The following PATJ variants were observed in gnomAD, a reference collection of about 807,000 sequenced individuals.
PATJ encodes the protein inaD-like protein.
A neutral mutation model predicts 224.9 loss-of-function variants in PATJ; 190 were observed. The ratio of observed to expected loss-of-function variants is 0.84; its 90% CI spans 0.75 to 0.95. PATJ has a LOEUF of 0.95. PATJ is among the 40% of genes least tolerant of loss of function. The pLI is 0.00. For missense variants in PATJ, 2,121 were observed against 2,270.3 expected (o/e 0.93, Z 1.34); for synonymous variants, 769 against 820.3 (o/e 0.94, Z 1.07).
chr1:62,058,408 G>A (rs1456145200), intron 31 of PATJ, among the ~76,000 whole-genome samples: 3 of 152,108 alleles, frequency 2.0e-5, no homozygotes, highest in South Asian at 4.1e-4. Flanking sequence ...ACAGCGTCAC[G>A]TGTTACAAAT....
intron 29 of PATJ, among the ~76,000 whole-genome samples, chr1:62,033,736 T>A (rs1649781082): frequency 6.6e-6 from 1 of 152,196 alleles, no homozygotes; most frequent in Non-Finnish European, 1.5e-5. Flanking sequence ...CACTAACTCA[T>A]GGAAACAGCT....
intron 22 of PATJ, among the ~76,000 whole-genome samples, chr1:61,888,272 A>C (rs561399044): frequency 3.3e-5 from 5 of 151,914 alleles, no homozygotes; most frequent in African/African-American, 1.2e-4. Flanking sequence ...TTTAGTCAAA[A>C]TTTTTTTCTT....
chr1:62,095,971 T>G (rs1359952063), intron 33 of PATJ, among the ~76,000 whole-genome samples: 3 of 152,196 alleles, frequency 2.0e-5, no homozygotes, highest in Non-Finnish European at 2.9e-5. Context: ...ACACAGCTTA[T>G]CTACACACAT....
intron 25 of PATJ, among the ~76,000 whole-genome samples, chr1:61,911,203 G>T (rs903067971): frequency 2.0e-5 from 3 of 151,722 alleles, no homozygotes; most frequent in Non-Finnish European, 2.9e-5. Flanking sequence ...GGTTTTTTTT[G>T]TTGTTGTTTT....
chr1:61,807,328 C>T lies in PATJ; in HGVS notation c.1627-1146C>T, dbSNP rs568134370. ...ACTGGCTGGAACTACAAGCATGAGC[C>T]ACCACGCTCGCTTAATTTTTCAAAT... On this transcript the variant is annotated intron_variant, in intron 13 of 43. Transcript: ENST00000642238. Among the ~76,000 whole-genome samples the T allele has an allele frequency of 5.9e-5, 9 of 152,208 alleles. No homozygotes were observed. In the East Asian group the frequency reaches 9.7e-4, roughly 16 times the overall value.
intron 31 of PATJ, among the ~76,000 whole-genome samples, chr1:62,076,348 A>G (rs915677535): frequency 2.3e-5 from 3 of 132,098 alleles, no homozygotes; most frequent in Non-Finnish European, 5.4e-5. Context: ...AGGTGTTCCT[A>G]TTATGAAACA....
intron 33 of PATJ, among the ~76,000 whole-genome samples, chr1:62,103,920 G>A (rs933285297): frequency 6.6e-6 from 1 of 152,182 alleles, no homozygotes; most frequent in Non-Finnish European, 1.5e-5. Flanking sequence ...GCAGGGCCAA[G>A]ATTTAGACCA....
intron 27 of PATJ, among the ~76,000 whole-genome samples, chr1:61,983,007 A>G (rs1644534445): frequency 7.1e-6 from 1 of 140,436 alleles, no homozygotes; most frequent in Non-Finnish European, 1.6e-5. Flanking sequence ...TCATAACCTT[A>G]TATGAGATTT....
chr1:62,060,200 G>A (rs1054024028), intron 31 of PATJ, among the ~76,000 whole-genome samples: 1 of 152,042 alleles, frequency 6.6e-6, no homozygotes, highest in African/African-American at 2.4e-5. Flanking sequence ...TGTCCTTCCC[G>A]TAATGAAAGC....
chr1:62,135,252 C>T (rs1171326486), intron 41 of PATJ, among the ~76,000 whole-genome samples: 1 of 152,086 alleles, frequency 6.6e-6, no homozygotes, highest in South Asian at 2.1e-4. Context: ...TGTGGTGGCT[C>T]ACGCCTGTAA....
At chr1:62,104,682 T>G (rs1170757932) in intron 33 of PATJ, among the ~76,000 whole-genome samples, 2 of 152,192 alleles carry the variant, frequency 1.3e-5, no homozygotes, top group Non-Finnish European at 2.9e-5. Flanking sequence ...TTTTATTTTT[T>G]TATTTTTTGA....
chr1:61,762,500 C>T (rs1646025709), intron 1 of PATJ, among the ~76,000 whole-genome samples: 1 of 152,016 alleles, frequency 6.6e-6, no homozygotes, highest in South Asian at 2.1e-4. Flanking sequence ...CATATATTTT[C>T]ATGAATACTG....
At chr1:61,933,377 A>G (rs1676313549) in intron 27 of PATJ, among the ~76,000 whole-genome samples, 1 of 151,942 alleles carries the variant, frequency 6.6e-6, no homozygotes, top group African/African-American at 2.4e-5. Context: ...CGTCTCTACT[A>G]AAAATACAAA....
chr1:62,058,729 C>G (rs1006989634), intron 31 of PATJ, among the ~76,000 whole-genome samples: 2 of 152,128 alleles, frequency 1.3e-5, no homozygotes, highest in Admixed American at 1.3e-4. Context: ...TGTGCCAGAG[C>G]TCTCATTATT....
Position 62,127,999 on chromosome 1 carries a change from AT to A in PATJ, c.5073del (p.Ile1691MetfsTer9). ...GCTCAGTGATGCCCTTGGAATCAGT[AT>A]TGCTGGAGGAAGAGGAAGTCCCTTA... Reference protein sequence around the residue: ...RELSDALGISIAGGRGSPLGD... With the variant: ...RELSDALGISXAGGRGSPLGD... On this transcript the variant is annotated frameshift_variant, in exon 40 of 44. Transcript: ENST00000642238. LOFTEE classifies it high-confidence loss of function. 6.2e-7 allele frequency: 1 copy of A among 1,614,046 alleles called. No homozygotes were observed. Among genetic ancestry groups the A allele is most frequent in the Non-Finnish European group, 8.5e-7 (1 of 1,179,916 alleles).
At chr1:62,043,216 G>A (rs1651853261) in intron 30 of PATJ, among the ~76,000 whole-genome samples, 1 of 152,108 alleles carries the variant, frequency 6.6e-6, no homozygotes, top group Non-Finnish European at 1.5e-5. Flanking sequence ...GTAGTTATGA[G>A]GGCCAGGTGT....
intron 20 of PATJ, among the ~76,000 whole-genome samples, chr1:61,871,866 T>C (rs900423037): frequency 3.3e-5 from 5 of 149,336 alleles, no homozygotes; most frequent in Non-Finnish European, 7.4e-5. Context: ...GTCTGGCTTT[T>C]TTTTTTTTTT....
intron 26 of PATJ, among the ~76,000 whole-genome samples, 196 bp downstream of exon 26, chr1:61,914,860 G>A (rs1177104856): frequency 6.6e-6 from 1 of 152,074 alleles, no homozygotes; most frequent in Non-Finnish European, 1.5e-5. Flanking sequence ...CAGCATAGAT[G>A]CAAAAATACT....
chr1:61,824,253 C>T (rs1267477686), intron 15 of PATJ, among the ~76,000 whole-genome samples: 6 of 146,820 alleles, frequency 4.1e-5, no homozygotes, highest in Non-Finnish European at 6.0e-5. Context: ...TTTTTCGAGA[C>T]GGGGTCTTGC....
Sources: allele counts gnomAD v4.1 joint callset (sites outside exome capture counted in the v4.1 genomes callset), GRCh38; gene constraint gnomAD v4.1.1; transcripts MANE v1.5; gene names NCBI Gene and HGNC (gene_info 2026-07-23, HGNC 2026-07-21).